The following HDAC9 variants were observed in gnomAD, a reference collection of about 807,000 sequenced individuals.
HDAC9 encodes the protein MEF-2 interacting transcription repressor (MITR) protein.
HDAC9 carries 41 observed loss-of-function variants against 139.4 expected under a neutral mutation model. The observed-to-expected ratio is 0.29, with a 90% CI of 0.23 to 0.38. The LOEUF (loss-of-function observed/expected upper bound fraction) is 0.38. Ranked by LOEUF, HDAC9 falls within the 10% of genes least tolerant of loss-of-function variation. The pLI, the probability that HDAC9 is intolerant of heterozygous loss-of-function variation, is 1.00. For synonymous variants in HDAC9, 517 were observed against 476.2 expected, an observed-to-expected ratio of 1.09 and a Z score of -1.12; for missense variants, 1,147 against 1,297.0, an observed-to-expected ratio of 0.88 and a Z score of 1.78.
intron 22 of HDAC9, among the ~76,000 whole-genome samples, chr7:18,931,725 T>C (rs949305733): frequency 6.6e-6 from 1 of 152,184 alleles, no homozygotes; most frequent in Non-Finnish European, 1.5e-5. Context: ...GCTCTCATTA[T>C]CTGATGATTT....
intron 2 of HDAC9, among the ~76,000 whole-genome samples, chr7:18,514,706 A>T (rs915032353): frequency 6.6e-6 from 1 of 152,178 alleles, no homozygotes; most frequent in Non-Finnish European, 1.5e-5. Context: ...TTGGAAGGCT[A>T]AGGTGGGAGG....
At chr7:18,343,879 A>G (rs774544770) in intron 1 of HDAC9, among the ~76,000 whole-genome samples, 7 of 150,974 alleles carry the variant, frequency 4.6e-5, no homozygotes, top group Non-Finnish European at 7.4e-5. Context: ...CATAGATGAT[A>G]TTTATTTTAG....
chr7:18,642,539 T>G (rs141593152), intron 8 of HDAC9, among the ~76,000 whole-genome samples: 276 of 152,148 alleles, frequency 1.8e-3, no homozygotes, highest in African/African-American at 6.4e-3. Context: ...AGCATAATGG[T>G]AGCTTGAGAG....
intron 1 of HDAC9, among the ~76,000 whole-genome samples, chr7:18,435,031 A>G (rs1791043288): frequency 1.6e-5 from 2 of 127,344 alleles, no homozygotes; most frequent in Admixed American, 2.0e-4. Context: ...AAAATATTGT[A>G]TCTATACCCC....
intron 1 of HDAC9, among the ~76,000 whole-genome samples, chr7:18,323,934 T>C (rs796099316): frequency 7.0e-6 from 1 of 143,516 alleles, no homozygotes; most frequent in Admixed American, 7.0e-5. Flanking sequence ...ATGGTTGTTT[T>C]GTTTTTTTTT....
chr7:18,781,139 T>G (rs1045748927), intron 16 of HDAC9, among the ~76,000 whole-genome samples: 4 of 152,156 alleles, frequency 2.6e-5, no homozygotes, highest in Admixed American at 6.6e-5. Flanking sequence ...TCTTTTCTTA[T>G]AAGGACATCA....
At chr7:18,210,719 T>C (rs1301512793) in intron 2 of HDAC9, among the ~76,000 whole-genome samples, 1 of 152,236 alleles carries the variant, frequency 6.6e-6, no homozygotes, top group Non-Finnish European at 1.5e-5. Flanking sequence ...TTCTCTTTTC[T>C]ACTTCTAGAT....
chr7:18,779,186 T>C (rs551110641), intron 16 of HDAC9, among the ~76,000 whole-genome samples: 2 of 152,158 alleles, frequency 1.3e-5, no homozygotes, highest in South Asian at 4.1e-4. Flanking sequence ...CCTTCCAATG[T>C]TGAACAAAAG....
chr7:18,147,841 A>G (rs929665736), intron 1 of HDAC9, among the ~76,000 whole-genome samples: 6 of 152,162 alleles, frequency 3.9e-5, no homozygotes, highest in Non-Finnish European at 5.9e-5. Context: ...GTGGTATATT[A>G]TATAAATCAT....
intron 2 of HDAC9, among the ~76,000 whole-genome samples, chr7:18,189,781 C>CA (rs1397641350): frequency 6.6e-6 from 1 of 152,122 alleles, no homozygotes; most frequent in African/African-American, 2.4e-5. Flanking sequence ...AACCAAGTGT[C>CA]AAAAAACCCA....
At chr7:18,484,553 A>G (rs1795827477) in intron 1 of HDAC9, among the ~76,000 whole-genome samples, 1 of 152,144 alleles carries the variant, frequency 6.6e-6, no homozygotes, top group Admixed American at 6.6e-5. Context: ...TTTTCTCCCT[A>G]GCTTTTGAAG....
intron 12 of HDAC9, among the ~76,000 whole-genome samples, chr7:18,690,335 G>A (rs753643781): frequency 3.3e-5 from 5 of 151,996 alleles, no homozygotes; most frequent in Non-Finnish European, 7.4e-5. Flanking sequence ...CTGTTCATAG[G>A]TTATATGATA....
intron 24 of HDAC9, among the ~76,000 whole-genome samples, chr7:18,968,637 G>A (rs987385840): frequency 6.6e-6 from 1 of 152,106 alleles, no homozygotes; most frequent in African/African-American, 2.4e-5. Context: ...TGGTATTACT[G>A]AGTTGAGAAT....
intron 17 of HDAC9, among the ~76,000 whole-genome samples, chr7:18,815,392 T>C (rs2129194294): frequency 6.6e-6 from 1 of 152,332 alleles, no homozygotes; most frequent in South Asian, 2.1e-4. Flanking sequence ...CAATGGGTTA[T>C]TATTGCCTTA....
chr7:18,139,622 T>C (rs1191535965), intron 1 of HDAC9, among the ~76,000 whole-genome samples: 1 of 152,156 alleles, frequency 6.6e-6, no homozygotes, highest in African/African-American at 2.4e-5. Context: ...TGGCACCCCA[T>C]AAAATATCCA....
intron 1 of HDAC9, among the ~76,000 whole-genome samples, chr7:18,443,953 T>C (rs1273229019): frequency 3.9e-5 from 6 of 151,970 alleles, no homozygotes; most frequent in Non-Finnish European, 7.4e-5. Flanking sequence ...TGTATGTATG[T>C]ATATATGTAT....
intron 16 of HDAC9, among the ~76,000 whole-genome samples, chr7:18,773,718 A>G (rs1339800440): frequency 7.2e-6 from 1 of 139,396 alleles, no homozygotes; most frequent in East Asian, 2.6e-4. Flanking sequence ...GGTACTACCT[A>G]AAAAAAAATA....
chr7:18,229,713 T>C (rs17418362), intron 2 of HDAC9, among the ~76,000 whole-genome samples: 31,122 of 152,036 alleles, frequency 0.2, 3,312 homozygotes, highest in Non-Finnish European at 0.22. Flanking sequence ...TCTGAGGATA[T>C]TTTACTTATT....
intron 1 of HDAC9, among the ~76,000 whole-genome samples, chr7:18,093,172 T>C (rs899745681): frequency 1.3e-5 from 2 of 152,188 alleles, no homozygotes; most frequent in Non-Finnish European, 2.9e-5. Flanking sequence ...CTCTGGCAGT[T>C]TAGTTTATAT....
Sources: allele counts gnomAD v4.1 joint callset (sites outside exome capture counted in the v4.1 genomes callset), GRCh38; gene constraint gnomAD v4.1.1; transcripts MANE v1.5; gene names NCBI Gene and HGNC (gene_info 2026-07-23, HGNC 2026-07-21).